MBTD1: variants seen among roughly 807,000 people sequenced by gnomAD.
The protein encoded by MBTD1 is MBT domain-containing protein 1.
In MBTD1, 24 loss-of-function variants were observed where a neutral mutation model predicts 87.8. The ratio of observed to expected loss-of-function variants is 0.27; its 90% CI spans 0.20 to 0.38. MBTD1 has a LOEUF of 0.38. MBTD1 is among the 10% of genes least tolerant of loss of function. MBTD1 has a pLI of 1.00. For synonymous variants in MBTD1, 237 were observed against 248.6 expected, an observed-to-expected ratio of 0.95 and a Z score of 0.44; for missense variants, 436 against 760.2, an observed-to-expected ratio of 0.57 and a Z score of 5.02.
chr17:51,206,328 G>T (rs1009354312), intron 7 of MBTD1, among the ~76,000 whole-genome samples: 6 of 152,074 alleles, frequency 3.9e-5, no homozygotes, highest in Non-Finnish European at 8.8e-5. Flanking sequence ...GGTGGGTCTT[G>T]AACTCCTAGG....
chr17:51,240,974 AT>A (rs1373502338), intron 2 of MBTD1, among the ~76,000 whole-genome samples: 1 of 151,854 alleles, frequency 6.6e-6, no homozygotes, highest in Non-Finnish European at 1.5e-5. Flanking sequence ...CTTATTGGTG[AT>A]GTTAATTTTT....
chr17:51,259,312 C>T, intron 1 of MBTD1, 106 bp from the exon 2 acceptor site: 2 of 1,185,040 alleles, frequency 1.7e-6, no homozygotes, highest in African/African-American at 1.6e-5. Context: ...GCTTCCCAAA[C>T]ACCACTCCCA....
At chr17:51,208,168 T>C (rs1479814910) in intron 6 of MBTD1, among the ~76,000 whole-genome samples, 1 of 152,206 alleles carries the variant, frequency 6.6e-6, no homozygotes, top group Non-Finnish European at 1.5e-5. Flanking sequence ...ACCCTCTTAG[T>C]AGTTTCTGGA....
chr17:51,224,962 C>A, intron 3 of MBTD1, 46 bp downstream of exon 3: 1 of 1,288,198 alleles, frequency 7.8e-7, no homozygotes. Flanking sequence ...GAAAACACAC[C>A]CTTAAACATA....
In MBTD1 at chr17:51,192,189, A is replaced by G; in HGVS notation, c.1768+14T>C. The G allele has an allele frequency of 2.0e-6, 3 of 1,537,752 alleles. No homozygotes were observed. The highest frequency in any genetic ancestry group is 2.6e-6 in the Non-Finnish European group (3 of 1,134,900). ...CAATTAGAAAATGTATGTGAACACC[A>G]CGTGGTGACCCACTTTTCTTATGTC... On this transcript the variant is annotated intron_variant, in intron 16 of 16. Transcript: ENST00000586178.
chr17:51,221,432 G>A (rs1237715605), intron 3 of MBTD1, among the ~76,000 whole-genome samples: 1 of 152,188 alleles, frequency 6.6e-6, no homozygotes, highest in African/African-American at 2.4e-5. Context: ...TAATTTGAAA[G>A]GTAGAATTAG....
intron 2 of MBTD1, among the ~76,000 whole-genome samples, chr17:51,257,544 G>T (rs540469062): frequency 1.3e-5 from 2 of 152,256 alleles, no homozygotes; most frequent in South Asian, 4.1e-4. Flanking sequence ...AGCAGCACTA[G>T]AACATCTAGA....
intron 16 of MBTD1, chr17:51,184,157 A>G (rs888904528): frequency 6.6e-6 from 1 of 152,240 alleles, no homozygotes; most frequent in Non-Finnish European, 1.5e-5. Context: ...TTTTAATGTA[A>G]AGTTTCACTG....
Position 51,180,330 on chromosome 17 carries a change from T to C in MBTD1, c.*246A>G. On this transcript the variant is annotated 3_prime_UTR_variant, in exon 17 of 17. Coordinates refer to ENST00000586178, the MANE Select transcript of MBTD1 (RefSeq NM_017643.3). ...TGCACATAAATCCAAACTTGGAAAA[T>C]ATTACAAAATTCTTTCAAAAGCTTC... 2.7e-6 allele frequency: 1 copy of C among 375,124 alleles called. No individual in the cohort carries two copies. Among genetic ancestry groups the C allele is most frequent in the Non-Finnish European group, 4.7e-6 (1 of 211,252 alleles). 23.2% of individuals were successfully genotyped at this position (375,124 alleles called of 1,614,324 possible).
intron 2 of MBTD1, among the ~76,000 whole-genome samples, chr17:51,234,190 C>T (rs1210495000): frequency 1.3e-5 from 2 of 151,800 alleles, no homozygotes; most frequent in African/African-American, 4.8e-5. Context: ...GTCAGGAGTT[C>T]GAGACCAACC....
intron 16 of MBTD1, among the ~76,000 whole-genome samples, chr17:51,181,841 G>A (rs1246743030): frequency 1.3e-5 from 2 of 152,146 alleles, no homozygotes; most frequent in East Asian, 1.9e-4. Context: ...CCATGTTTCC[G>A]TAGGTCTTTA....
At chr17:51,253,780 T>C (rs1244673982) in intron 2 of MBTD1, among the ~76,000 whole-genome samples, 2 of 152,168 alleles carry the variant, frequency 1.3e-5, no homozygotes, top group East Asian at 1.9e-4. Flanking sequence ...ATTGTCCTAC[T>C]GTAACTGTCA....
upstream of MBTD1, chr17:51,260,701 C>A: frequency 6.2e-7 from 1 of 1,604,404 alleles, no homozygotes. Flanking sequence ...GCGGGCCTCC[C>A]CAAAAGCCTG....
chr17:51,258,212 C>T (rs1165677682), intron 2 of MBTD1, among the ~76,000 whole-genome samples: 1 of 152,156 alleles, frequency 6.6e-6, no homozygotes, highest in Non-Finnish European at 1.5e-5. Context: ...TTTTAAATCA[C>T]ATGCATTATT....
At chr17:51,260,433 T>A (rs963502172), upstream of MBTD1, 3 of 822,882 alleles carry the variant, frequency 3.6e-6, no homozygotes, top group Non-Finnish European at 5.6e-6. Context: ...GAGCGGGAGT[T>A]ACGTAGAGGG....
At chr17:51,258,995 A>G in intron 2 of MBTD1, 148 bp downstream of exon 2, 1 of 390,760 alleles carries the variant, frequency 2.6e-6, no homozygotes, top group African/African-American at 2.1e-5. Flanking sequence ...AAGTAAAAAA[A>G]GGAGCAACTT....
chr17:51,260,508 C>G (rs1050691591), upstream of MBTD1: 1 of 1,463,048 alleles, frequency 6.8e-7, no homozygotes, highest in Non-Finnish European at 9.1e-7. Context: ...GCTTCGGCGG[C>G]GGCGGCCCGC....
At chr17:51,226,546 TAACA>T (rs1017164644) in intron 2 of MBTD1, among the ~76,000 whole-genome samples, 3 of 151,998 alleles carry the variant, frequency 2.0e-5, no homozygotes, top group African/African-American at 7.2e-5. Flanking sequence ...GAAATATACA[TAACA>T]AACATGATTT....
Position 51,259,873 on chromosome 17 carries a change from G to C in MBTD1, c.-151C>G. Reference sequence around the variant, plus strand: ...TTTTCCATCAGGGCCTCATGGGTAGGGGTTGTCCGTGCTCCCCGAGCCCGC... The same window carrying C: ...TTTTCCATCAGGGCCTCATGGGTAGCGGTTGTCCGTGCTCCCCGAGCCCGC... On this transcript the variant is annotated 5_prime_UTR_variant, in exon 1 of 17. Coordinates refer to ENST00000586178, the MANE Select transcript of MBTD1 (RefSeq NM_017643.3). 8.1e-7 allele frequency: 1 copy of C among 1,231,906 alleles called. No individual in the cohort carries two copies. The highest frequency in any genetic ancestry group is 1.0e-6 in the Non-Finnish European group (1 of 987,896). The allele number at this position is 1,231,906 out of a possible 1,614,324, so 76.3% of individuals were successfully genotyped here.
Sources: allele counts gnomAD v4.1 joint callset (sites outside exome capture counted in the v4.1 genomes callset), GRCh38; gene constraint gnomAD v4.1.1; transcripts MANE v1.5; gene names NCBI Gene and HGNC (gene_info 2026-07-23, HGNC 2026-07-21).